DIP2B: variants seen among roughly 807,000 people sequenced by gnomAD.
DIP2B encodes DIP2 acetate--CoA ligase B (putative).
In DIP2B, 76 loss-of-function variants were observed where a neutral mutation model predicts 198.0. That is an observed-to-expected ratio of 0.38 (90% CI 0.32 to 0.46). The LOEUF (loss-of-function observed/expected upper bound fraction) is 0.46, where lower values mean the gene tolerates loss of function less well. Among genes scored for constraint, DIP2B ranks in the 20% least tolerant of loss-of-function variants. The pLI, the probability that DIP2B is intolerant of heterozygous loss-of-function variation, is 0.99. For synonymous variants in DIP2B, 701 were observed against 739.1 expected (o/e 0.95, Z 0.84); for missense variants, 1,559 against 1,978.4 (o/e 0.79, Z 4.02).
chr12:50,613,796 T>G (rs1937648034), intron 1 of DIP2B, among the ~76,000 whole-genome samples: 1 of 152,170 alleles, frequency 6.6e-6, no homozygotes, highest in Admixed American at 6.5e-5. Context: ...AACTTGTAAT[T>G]AAATCATTAA....
chr12:50,533,774 CAG>C (rs1251793394), intron 1 of DIP2B, among the ~76,000 whole-genome samples: 2 of 151,914 alleles, frequency 1.3e-5, no homozygotes, highest in African/African-American at 4.8e-5. Context: ...TTTTTTTAGA[CAG>C]AGATTCTCAC....
chr12:50,512,086 C>T (rs1014301226), intron 1 of DIP2B, among the ~76,000 whole-genome samples: 2 of 149,824 alleles, frequency 1.3e-5, no homozygotes, highest in Non-Finnish European at 3.0e-5. Flanking sequence ...CACCAAGTCT[C>T]GCCTTAGCTC....
chr12:50,740,526 C>T (rs1232948164), intron 36 of DIP2B, among the ~76,000 whole-genome samples: 1 of 152,212 alleles, frequency 6.6e-6, no homozygotes, highest in Non-Finnish European at 1.5e-5. Context: ...ACCCATTAGT[C>T]ATTCACTGCT....
At chr12:50,544,938 G>T (rs1317814789) in intron 1 of DIP2B, among the ~76,000 whole-genome samples, 2 of 151,978 alleles carry the variant, frequency 1.3e-5, no homozygotes, top group Non-Finnish European at 2.9e-5. Flanking sequence ...TTAAAAGCTG[G>T]AGTAGTACCA....
chr12:50,687,914 A>G (rs1230627047), intron 12 of DIP2B, among the ~76,000 whole-genome samples: 2 of 151,392 alleles, frequency 1.3e-5, no homozygotes, highest in East Asian at 1.9e-4. Flanking sequence ...AAAAAAAAAA[A>G]TAGAAAAGAG....
At position 50,682,022 on chromosome 12, in the gene DIP2B, C is replaced by T. The variant is rs1018533866; in HGVS notation, c.1207-1116C>T. ...AAAGAAGGGGAAACAAGTCTCATGACGTAATTAAGTTTCAAATATTAATCT... is the reference window on the plus strand; with the variant it reads ...AAAGAAGGGGAAACAAGTCTCATGATGTAATTAAGTTTCAAATATTAATCT... On this transcript the variant is annotated intron_variant, in intron 9 of 37. Coordinates refer to ENST00000301180, the MANE Select transcript of DIP2B (RefSeq NM_173602.3). 7.2e-5 allele frequency among the ~76,000 whole-genome samples: 11 copies of T among 152,140 alleles called. No individual in the cohort carries two copies. In the South Asian group the frequency reaches 8.3e-4, roughly 11 times the overall value.
intron 1 of DIP2B, among the ~76,000 whole-genome samples, chr12:50,576,990 A>C (rs1958668067): frequency 6.6e-6 from 1 of 151,784 alleles, no homozygotes; most frequent in Non-Finnish European, 1.5e-5. Context: ...CAGCCTCCTG[A>C]GTAGCTGGGA....
intron 1 of DIP2B, among the ~76,000 whole-genome samples, chr12:50,526,705 C>T (rs980732241): frequency 1.2e-4 from 5 of 41,890 alleles, no homozygotes; most frequent in African/African-American, 2.9e-4. Flanking sequence ...GGCGCGATCT[C>T]GGCTCACTGC....
intron 2 of DIP2B, among the ~76,000 whole-genome samples, chr12:50,631,642 A>T (rs1277975269): frequency 6.6e-6 from 1 of 152,164 alleles, no homozygotes; most frequent in African/African-American, 2.4e-5. Flanking sequence ...CATATTGCCC[A>T]GGTTGGTCTC....
chr12:50,741,926 T>C (rs57328764), intron 37 of DIP2B, among the ~76,000 whole-genome samples: 12,346 of 152,200 alleles, frequency 0.081, 935 homozygotes, highest in East Asian at 0.31. Context: ...CTCTGCTACT[T>C]CCTAATTATC....
intron 26 of DIP2B, among the ~76,000 whole-genome samples, chr12:50,721,646 G>A (rs541849098): frequency 6.6e-6 from 1 of 152,248 alleles, no homozygotes; most frequent in East Asian, 1.9e-4. Context: ...GCACATAAAA[G>A]GCACTCAGTA....
intron 4 of DIP2B, among the ~76,000 whole-genome samples, chr12:50,670,151 C>T (rs1427148495): frequency 1.7e-5 from 2 of 114,664 alleles, no homozygotes; most frequent in Admixed American, 1.2e-4. Context: ...CCACCCAGCA[C>T]GCTTTTCTAA....
intron 1 of DIP2B, among the ~76,000 whole-genome samples, chr12:50,549,194 C>T (rs533713411): frequency 1.5e-4 from 23 of 149,502 alleles, no homozygotes; most frequent in African/African-American, 2.0e-4. Context: ...AAGGGCTGGG[C>T]GCGGTGGCTC....
intron 10 of DIP2B, among the ~76,000 whole-genome samples, chr12:50,683,826 G>A (rs1040591372): frequency 7.2e-5 from 11 of 151,774 alleles, no homozygotes; most frequent in African/African-American, 2.4e-4. Flanking sequence ...AATATCACTG[G>A]GGCAACTGGA....
chr12:50,623,942 C>T (rs1429997262), intron 1 of DIP2B, among the ~76,000 whole-genome samples: 1 of 152,188 alleles, frequency 6.6e-6, no homozygotes, highest in African/African-American at 2.4e-5. Context: ...GGGGACAAAA[C>T]TCTCCTAGTT....
intron 3 of DIP2B, among the ~76,000 whole-genome samples, chr12:50,643,024 T>TTC (rs1938284891): frequency 9.5e-6 from 1 of 105,642 alleles, no homozygotes; most frequent in Non-Finnish European, 2.2e-5. Flanking sequence ...TTCTGGGAGT[T>TTC]TCTGTGTGTG....
chr12:50,551,034 G>C (rs1958422916), intron 1 of DIP2B, among the ~76,000 whole-genome samples: 2 of 152,040 alleles, frequency 1.3e-5, no homozygotes, highest in African/African-American at 4.8e-5. Context: ...GGGCTGCAGT[G>C]TGCTGAAATT....
intron 1 of DIP2B, among the ~76,000 whole-genome samples, chr12:50,592,955 G>A (rs1289360515): frequency 2.0e-5 from 3 of 151,392 alleles, no homozygotes; most frequent in Non-Finnish European, 2.9e-5. Flanking sequence ...TGGCTGACCT[G>A]TTCACTGGAG....
chr12:50,739,902 T>C (rs1940210206), intron 36 of DIP2B, among the ~76,000 whole-genome samples: 1 of 152,210 alleles, frequency 6.6e-6, no homozygotes, highest in African/African-American at 2.4e-5. Context: ...GGACAAGCAT[T>C]ACATCTTATA....
Sources: gnomAD v4.1 joint callset for allele counts (sites outside exome capture counted in the v4.1 genomes callset) on GRCh38, gnomAD v4.1.1 for gene constraint, MANE v1.5 for transcripts, NCBI Gene and HGNC (gene_info 2026-07-23, HGNC 2026-07-21) for gene names.